RSPO2: variants seen among roughly 807,000 people sequenced by gnomAD.
RSPO2 encodes R-spondin-2.
In RSPO2, 14 loss-of-function variants were observed where a neutral mutation model predicts 30.9. That is an observed-to-expected ratio of 0.45 (90% CI 0.30 to 0.71). The LOEUF (loss-of-function observed/expected upper bound fraction) is 0.71. Among genes scored for constraint, RSPO2 ranks in the 30% least tolerant of loss-of-function variants. The probability of loss-of-function intolerance (pLI) is 0.08; values close to 1 mark genes in which losing one functional copy is unlikely to be tolerated. For missense variants in RSPO2, 264 were observed against 301.9 expected (o/e 0.87, Z 0.93); for synonymous variants, 107 against 96.4 (o/e 1.11, Z -0.64).
intron 2 of RSPO2, among the ~76,000 whole-genome samples, chr8:108,063,512 C>G: frequency 6.6e-6 from 1 of 151,776 alleles, no homozygotes; most frequent in Non-Finnish European, 1.5e-5. Flanking sequence ...CTACAAACCA[C>G]TGCTCAATGA....
chr8:108,068,762 G>A (rs1000571327), intron 2 of RSPO2, among the ~76,000 whole-genome samples: 2 of 152,196 alleles, frequency 1.3e-5, no homozygotes, highest in African/African-American at 2.4e-5. Context: ...GAATTCTACT[G>A]TTACAAGTCA....
intron 2 of RSPO2, among the ~76,000 whole-genome samples, chr8:108,064,722 A>G (rs1316948170): frequency 6.6e-6 from 1 of 152,216 alleles, no homozygotes; most frequent in Non-Finnish European, 1.5e-5. Flanking sequence ...ACACATGCAC[A>G]CGTATGTTTA....
At chr8:107,931,279 A>G (rs1019601207) in intron 5 of RSPO2, among the ~76,000 whole-genome samples, 1 of 152,118 alleles carries the variant, frequency 6.6e-6, no homozygotes, top group Non-Finnish European at 1.5e-5. Flanking sequence ...GTGTGTCTTT[A>G]TTCTCCCCGT....
intron 2 of RSPO2, chr8:107,997,061 G>GCC (rs1018357276): frequency 4.5e-6 from 1 of 221,158 alleles, no homozygotes; most frequent in Non-Finnish European, 9.3e-6. Context: ...AAGGACAAGA[G>GCC]CCCATGTGAT....
intron 5 of RSPO2, among the ~76,000 whole-genome samples, chr8:107,938,463 T>C (rs145408133): frequency 2.6e-5 from 4 of 152,274 alleles, no homozygotes; most frequent in African/African-American, 9.6e-5. Flanking sequence ...ATTAAAGCTG[T>C]AATATCCCAC....
chr8:108,069,180 T>G (rs910597022), intron 2 of RSPO2, among the ~76,000 whole-genome samples: 6 of 150,982 alleles, frequency 4.0e-5, no homozygotes, highest in African/African-American at 1.5e-4. Context: ...ATTCTTCCAT[T>G]GTTGGTGCAT....
At chr8:107,970,625 A>G (rs1437996377) in intron 3 of RSPO2, among the ~76,000 whole-genome samples, 3 of 152,206 alleles carry the variant, frequency 2.0e-5, no homozygotes, top group African/African-American at 4.8e-5. Context: ...TTTCATTTCA[A>G]TATTTTTAAC....
chr8:107,941,267 C>T (rs910563006), intron 5 of RSPO2, among the ~76,000 whole-genome samples: 2 of 152,096 alleles, frequency 1.3e-5, no homozygotes, highest in Non-Finnish European at 2.9e-5. Flanking sequence ...CACTTTCCTA[C>T]ATTCTTCATT....
intron 5 of RSPO2, among the ~76,000 whole-genome samples, chr8:107,915,754 G>A (rs372092598): frequency 9.9e-5 from 15 of 152,222 alleles, no homozygotes; most frequent in East Asian, 3.9e-4. Context: ...TCCACTCTTC[G>A]CAGGTGACTA....
intron 2 of RSPO2, among the ~76,000 whole-genome samples, chr8:108,074,423 C>T (rs1007437943): frequency 3.9e-5 from 6 of 152,184 alleles, no homozygotes; most frequent in Non-Finnish European, 8.8e-5. Flanking sequence ...CAGGCAAGTA[C>T]ACACATGCAC....
chr8:107,949,184 G>T (rs1286176418), intron 5 of RSPO2, among the ~76,000 whole-genome samples: 1 of 152,004 alleles, frequency 6.6e-6, no homozygotes, highest in East Asian at 1.9e-4. Context: ...AGTCCCCAAA[G>T]TTCATTATTT....
At chr8:108,032,208 A>T (rs1377121469) in intron 2 of RSPO2, among the ~76,000 whole-genome samples, 1 of 152,230 alleles carries the variant, frequency 6.6e-6, no homozygotes, top group Non-Finnish European at 1.5e-5. Flanking sequence ...AGCAGAGAAG[A>T]GGAAAGGAAG....
At chr8:108,041,118 A>G (rs867963665) in intron 2 of RSPO2, among the ~76,000 whole-genome samples, 10 of 151,040 alleles carry the variant, frequency 6.6e-5, no homozygotes, top group Non-Finnish European at 5.9e-5. Context: ...AAGTTAAGCA[A>G]TTGAGAAGGA....
At chr8:107,943,773 G>C (rs1052888011) in intron 5 of RSPO2, among the ~76,000 whole-genome samples, 2 of 152,150 alleles carry the variant, frequency 1.3e-5, no homozygotes, top group Non-Finnish European at 2.9e-5. Context: ...TGACATTTGA[G>C]GCCAAAATTA....
chr8:108,002,053 T>TA (rs928895700), intron 2 of RSPO2, among the ~76,000 whole-genome samples: 41 of 152,046 alleles, frequency 2.7e-4, no homozygotes, highest in East Asian at 1.5e-3. Flanking sequence ...TAAAGTATAA[T>TA]AAAAAAAAGT....
intron 2 of RSPO2, among the ~76,000 whole-genome samples, chr8:108,064,680 C>T (rs528934206): frequency 5.3e-5 from 8 of 152,108 alleles, no homozygotes; most frequent in Non-Finnish European, 7.3e-5. Flanking sequence ...TGGGTATATA[C>T]CCAAAGGATT....
chr8:107,943,466 C>A (rs1812963561), intron 5 of RSPO2, among the ~76,000 whole-genome samples: 1 of 152,244 alleles, frequency 6.6e-6, no homozygotes, highest in East Asian at 1.9e-4. Context: ...ATAAAAGGAA[C>A]GGTTCAAATT....
intron 5 of RSPO2, among the ~76,000 whole-genome samples, chr8:107,950,594 G>A (rs905417030): frequency 2.6e-5 from 4 of 151,494 alleles, no homozygotes; most frequent in Non-Finnish European, 4.4e-5. Context: ...GTTATTAAAC[G>A]TCTCTTGACA....
chr8:107,914,475 A>T (rs1811916179), intron 5 of RSPO2, among the ~76,000 whole-genome samples: 1 of 151,946 alleles, frequency 6.6e-6, no homozygotes, highest in South Asian at 2.1e-4. Flanking sequence ...AAAAAAAAAA[A>T]TACCTTTTAA....
Sources: allele counts gnomAD v4.1 joint callset (sites outside exome capture counted in the v4.1 genomes callset), GRCh38; gene constraint gnomAD v4.1.1; transcripts MANE v1.5; gene names NCBI Gene and HGNC (gene_info 2026-07-23, HGNC 2026-07-21).